Variants in LRRN4CL observed in about 807,000 individuals in gnomAD.
LRRN4CL encodes LRRN4 C-terminal like.
For missense variants in LRRN4CL, 348 were observed against 336.4 expected, an observed-to-expected ratio of 1.03 and a Z score of -0.27; for synonymous variants, 156 against 154.1, an observed-to-expected ratio of 1.01 and a Z score of -0.09.
At position 62,688,075 on chromosome 11, in the gene LRRN4CL, G is replaced by A; in HGVS notation, c.434C>T (p.Pro145Leu). Residue 145 changes from proline (P) to leucine (L), a missense_variant, in exon 2 of 2, where the codon CCA becomes CTA. Coordinates refer to ENST00000317449, the MANE Select transcript of LRRN4CL (RefSeq NM_203422.4). ...VRRAELKGLK[P>L]GGIYVVCVVA... is the part of the protein sequence containing the mutation. ...TACGCAAACGACATAAATGCCCCCT[G>A]GCTTCAGCCCCTTCAGTTCGGCTCT... The A allele has an allele frequency of 6.2e-7, 1 of 1,612,726 alleles. No individual in the cohort carries two copies. The highest frequency in any genetic ancestry group is 8.5e-7 in the Non-Finnish European group (1 of 1,179,884).
Position 62,687,724 on chromosome 11 carries a change from C to T in LRRN4CL, c.*68G>A, listed in dbSNP as rs1945212739. 2 of 1,295,972 alleles carry T rather than the reference C, an allele frequency of 1.5e-6. No individual in the cohort carries two copies. Among genetic ancestry groups the T allele is most frequent in the Admixed American group, 3.8e-5 (1 of 26,326 alleles). 80.3% of individuals were successfully genotyped at this position (1,295,972 alleles called of 1,614,324 possible). ...CTCCCTGGAGGCAGCGGGTTTTCCT[C>T]TTTCCCGGGGGCCAGGCTGAGCGCC... is the stretch of plus-strand genomic sequence containing the variant. On this transcript the variant is annotated 3_prime_UTR_variant, in exon 2 of 2. Transcript: ENST00000317449.
Position 62,688,474 on chromosome 11 carries a change from G to A in LRRN4CL, c.35C>T (p.Ala12Val), listed in dbSNP as rs776870074. The change falls in exon 2 of 2, where the codon GCC becomes GTC. Residue 12 changes from alanine (A) to valine (V), a missense_variant. Ala to Val is a moderately conservative substitution (Grantham distance 64, BLOSUM62 0). Coordinates refer to ENST00000317449, the MANE Select transcript of LRRN4CL (RefSeq NM_203422.4). Reference sequence around the variant, plus strand: ...AGCTCTGGGAACCAAGAAGGTCACGGCCAGGAGCCACAGAAGGCAGGGAGA... The same window carrying A: ...AGCTCTGGGAACCAAGAAGGTCACGACCAGGAGCCACAGAAGGCAGGGAGA... ...LGSPCLLWLL[A>V]VTFLVPRAQP... 2 of 1,598,446 alleles carry A rather than the reference G, an allele frequency of 1.3e-6. No homozygotes were observed. The highest frequency in any genetic ancestry group is 4.5e-5 in the East Asian group (2 of 44,872).
At position 62,688,073 on chromosome 11, in the gene LRRN4CL, C is replaced by T. The variant is rs896734368; in HGVS notation, c.436G>A (p.Gly146Arg). Residue 146 changes from glycine to arginine, a missense_variant, in exon 2 of 2, where the codon GGG becomes AGG. By Grantham distance (125) the Gly-to-Arg change is moderately radical. Transcript: ENST00000317449. ...ACTACGCAAACGACATAAATGCCCC[C>T]TGGCTTCAGCCCCTTCAGTTCGGCT... ...RRAELKGLKP[G>R]GIYVVCVVAA... 1 of 1,612,710 alleles carries T rather than the reference C, an allele frequency of 6.2e-7. No individual in the cohort carries two copies. Among genetic ancestry groups the T allele is most frequent in the Non-Finnish European group, 8.5e-7 (1 of 1,179,882 alleles).
In LRRN4CL at chr11:62,687,975, A is replaced by G; in HGVS notation, c.534T>C (p.Pro178=). ...CAAGGCGGCTGCAAGGCCCGAAGGC[A>G]GGGATGTCGGCCCCCTCGAGGCCCT... The part of the protein sequence containing the change: ...GGEGLEGADI[P]AFGPCSRLAV... Residue 178 remains proline, a synonymous_variant, in exon 2 of 2, where the codon CCT becomes CCC. Transcript: ENST00000317449. 1.9e-6 allele frequency: 3 copies of G among 1,605,080 alleles called. No homozygotes were observed. Among genetic ancestry groups the G allele is most frequent in the Non-Finnish European group, 2.6e-6 (3 of 1,175,948 alleles).
chr11:62,689,293 T>C (rs1367790127), intron 1 of LRRN4CL, 134 bp downstream of exon 1: 3 of 152,208 alleles, frequency 2.0e-5, no homozygotes, highest in African/African-American at 7.2e-5. Context: ...ACAGCTGTAT[T>C]TTTTGAAAAC....
chr11:62,687,675 T>A lies in LRRN4CL; in HGVS notation c.*117A>T. The A allele has an allele frequency of 1.1e-6, 1 of 871,654 alleles. No individual in the cohort carries two copies. Among genetic ancestry groups the A allele is most frequent in the South Asian group, 2.9e-5 (1 of 34,252 alleles). 54.0% of individuals were successfully genotyped at this position (871,654 alleles called of 1,614,324 possible). Reference sequence around the variant, plus strand: ...CCGCCGTGGCCCTGGAGCCTGGGGCTGGCTCCCAGCTCGCCGTCCAGCCCT... The same window carrying A: ...CCGCCGTGGCCCTGGAGCCTGGGGCAGGCTCCCAGCTCGCCGTCCAGCCCT... On this transcript the variant is annotated 3_prime_UTR_variant, in exon 2 of 2. Transcript: ENST00000317449.
rs1431706662 is a variant in LRRN4CL at position 62,688,424 on chromosome 11, C to A, written c.85G>T (p.Glu29Ter). Residue 29 changes from glutamate to a stop codon, truncating the protein, a stop_gained, in exon 2 of 2, where the codon GAA becomes TAA. Transcript: ENST00000317449. LOFTEE classifies it low-confidence loss of function (END_TRUNC). ...RAQPLAPQDF[E>*]EEEADETETA... Reference sequence around the variant, plus strand: ...TCAGTCTCATCTGCCTCCTCTTCTTCAAAGTCTTGAGGGGCCAAGGGCTGA... The same window carrying A: ...TCAGTCTCATCTGCCTCCTCTTCTTAAAAGTCTTGAGGGGCCAAGGGCTGA... 6 of 1,600,794 alleles carry A rather than the reference C, an allele frequency of 3.7e-6. No homozygotes were observed. In the South Asian group the frequency reaches 4.4e-5, roughly 12 times the overall value.
chr11:62,688,352 A>G lies in LRRN4CL; in HGVS notation c.157T>C (p.Cys53Arg), dbSNP rs1233657117. 6.2e-7 allele frequency: 1 copy of G among 1,608,354 alleles called. No individual in the cohort carries two copies. Among genetic ancestry groups the G allele is most frequent in the South Asian group, 1.1e-5 (1 of 91,084 alleles). ...TTGCAGGGCACCTGCAGGTGTCGGC[A>G]GTGGTCGTAGTCGCAGGGGACAGCC... ...LPAVPCDYDHCRHLQVPCKEL... is the reference protein window; with the variant it reads ...LPAVPCDYDHRRHLQVPCKEL... The change falls in exon 2 of 2, where the codon TGC becomes CGC. Residue 53 changes from cysteine (C) to arginine (R), a missense_variant. By Grantham distance (180) the Cys-to-Arg change is radical (BLOSUM62 -3). Coordinates refer to ENST00000317449, the MANE Select transcript of LRRN4CL (RefSeq NM_203422.4).
chr11:62,688,324 TC>T lies in LRRN4CL; in HGVS notation c.184del (p.Glu62SerfsTer70), dbSNP rs763755800. The T allele has an allele frequency of 8.1e-6, 13 of 1,609,520 alleles. No homozygotes were observed. Among genetic ancestry groups the T allele is most frequent in the Non-Finnish European group, 1.1e-5 (13 of 1,179,888 alleles). ...GGCCGCCGGCCCGACCCTCTGTAGCTCCTTGCAGGGCACCTGCAGGTGTCGG... is the reference window on the plus strand; with the variant it reads ...GGCCGCCGGCCCGACCCTCTGTAGCTCTTGCAGGGCACCTGCAGGTGTCGG... ...HCRHLQVPCK[E>X]LQRVGPAACL... On this transcript the variant is annotated frameshift_variant, in exon 2 of 2. Coordinates refer to ENST00000317449, the MANE Select transcript of LRRN4CL (RefSeq NM_203422.4). LOFTEE classifies it low-confidence loss of function (END_TRUNC).
In LRRN4CL at chr11:62,686,636, T is replaced by A. The variant is rs1311474042; in HGVS notation, c.*1156A>T. 1 of 152,190 alleles carries A rather than the reference T, an allele frequency of 6.6e-6. No homozygotes were observed. Among genetic ancestry groups the A allele is most frequent in the East Asian group, 1.9e-4 (1 of 5,184 alleles). The allele number at this position is 152,190 out of a possible 1,614,324, so 9.4% of individuals were successfully genotyped here. Reference sequence around the variant, plus strand: ...ACAAGCAATGGGCCAGTGGCCTGATTTGTAAGGCCCACAAACTAAGAATGG... The same window carrying A: ...ACAAGCAATGGGCCAGTGGCCTGATATGTAAGGCCCACAAACTAAGAATGG... On this transcript the variant is annotated 3_prime_UTR_variant, in exon 2 of 2. Coordinates refer to ENST00000317449, the MANE Select transcript of LRRN4CL (RefSeq NM_203422.4).
chr11:62,688,181 GGGA>G lies in LRRN4CL; in HGVS notation c.325_327del (p.Ser109del), dbSNP rs1397473476. On this transcript the variant is annotated inframe_deletion, in exon 2 of 2. Coordinates refer to ENST00000317449, the MANE Select transcript of LRRN4CL (RefSeq NM_203422.4). ...AGCAGCAGCCAGTAGTGGAGGACCG[GGGA>G]GAAGGGGGCACACCAGTGGACCACT... 1.2e-6 allele frequency: 2 copies of G among 1,612,436 alleles called. No individual in the cohort carries two copies. Among genetic ancestry groups the G allele is most frequent in the South Asian group, 2.2e-5 (2 of 91,056 alleles).
rs1276243543 is a variant in LRRN4CL at position 62,688,494 on chromosome 11, G to GGGAGAGCCCAGCAT, written c.1_14dup (p.Leu7TrpfsTer12). On this transcript the variant is annotated frameshift_variant, in exon 2 of 2. Coordinates refer to ENST00000317449, the MANE Select transcript of LRRN4CL (RefSeq NM_203422.4). LOFTEE classifies it low-confidence loss of function (END_TRUNC). ...TCACGGCCAGGAGCCACAGAAGGCA[G>GGGAGAGCCCAGCAT]GGAGAGCCCAGCATGGAGACTGGAA... 9 of 1,597,276 alleles carry GGGAGAGCCCAGCAT rather than the reference G, an allele frequency of 5.6e-6. No individual in the cohort carries two copies. The African/African-American group carries it at 1.2e-4, about 21-fold the overall frequency.
chr11:62,688,271 CG>C lies in LRRN4CL; in HGVS notation c.237del (p.Ala80ProfsTer52), dbSNP rs1565140750. 3 of 1,609,174 alleles carry C rather than the reference CG, an allele frequency of 1.9e-6. No homozygotes were observed. In the South Asian group the frequency reaches 3.3e-5, roughly 18 times the overall value. On this transcript the variant is annotated frameshift_variant, in exon 2 of 2. Transcript: ENST00000317449. LOFTEE classifies it low-confidence loss of function (END_TRUNC). ...ATGCGCGGCGGGTCGGGCGGCTGGG[CG>C]GGGCTGGAGAGTCCTGGGCACAGGC... ...AACLCPGLSS[P>X]AQPPDPPRMG...
intron 1 of LRRN4CL, among the ~76,000 whole-genome samples, chr11:62,688,828 G>A (rs1261692196): frequency 6.6e-6 from 1 of 152,134 alleles, no homozygotes; most frequent in Non-Finnish European, 1.5e-5. Flanking sequence ...ACTTAGCCCA[G>A]GGAAGAACGG....
At position 62,688,612 on chromosome 11, in the gene LRRN4CL, G is replaced by T; in HGVS notation, c.-5-99C>A. On this transcript the variant is annotated intron_variant, in intron 1 of 1. Coordinates refer to ENST00000317449, the MANE Select transcript of LRRN4CL (RefSeq NM_203422.4). ...CTCTGGAGACAGGAAAATGCAACTG[G>T]GGATCAGAAGAGGAAAGAAGTTGGA... The T allele has an allele frequency of 2.2e-6, 2 of 922,720 alleles. 1 individual carries two copies. Among genetic ancestry groups the T allele is most frequent in the Middle Eastern group, 6.4e-4 (2 of 3,142 alleles). The allele number at this position is 922,720 out of a possible 1,614,324, so 57.2% of individuals were successfully genotyped here.
In LRRN4CL at chr11:62,687,999, C is replaced by A; in HGVS notation, c.510G>T (p.Glu170Asp). 6.2e-7 allele frequency: 1 copy of A among 1,611,200 alleles called. No homozygotes were observed. The change falls in exon 2 of 2, where the codon GAG becomes GAT. Residue 170 changes from glutamate to aspartate, a missense_variant. Physicochemically the swap from Glu to Asp is conservative, Grantham distance 45. Coordinates refer to ENST00000317449, the MANE Select transcript of LRRN4CL (RefSeq NM_203422.4). ...CAGGGATGTCGGCCCCCTCGAGGCC[C>A]TCTCCTCCAGCCTGGGGCACGCGGC... is the stretch of plus-strand genomic sequence containing the variant. ...GASRVPQAGG[E>D]GLEGADIPAF...
At position 62,688,121 on chromosome 11, in the gene LRRN4CL, G is replaced by C; in HGVS notation, c.388C>G (p.Pro130Ala). 3 of 1,612,478 alleles carry C rather than the reference G, an allele frequency of 1.9e-6. No individual in the cohort carries two copies. The highest frequency in any genetic ancestry group is 2.5e-6 in the Non-Finnish European group (3 of 1,179,804). Residue 130 changes from proline to alanine, a missense_variant, in exon 2 of 2, where the codon CCG (proline) becomes GCG (alanine). Physicochemically the swap from Pro to Ala is conservative, Grantham distance 27. Transcript: ENST00000317449. Reference sequence around the variant, plus strand: ...GCTCTGCGGACCGTAGCGTTCAGCGGGGGCCCCTTCTGCGCAGCCTCGCTG... The same window carrying C: ...GCTCTGCGGACCGTAGCGTTCAGCGCGGGCCCCTTCTGCGCAGCCTCGCTG... ...DGSEAAQKGPPLNATVRRAEL... is the reference protein window; with the variant it reads ...DGSEAAQKGPALNATVRRAEL...
Position 62,688,164 on chromosome 11 carries a change from C to T in LRRN4CL, c.345G>A (p.Trp115Ter). 1.2e-6 allele frequency: 2 copies of T among 1,612,580 alleles called. No homozygotes were observed. Among genetic ancestry groups the T allele is most frequent in the Non-Finnish European group, 1.7e-6 (2 of 1,179,818 alleles). Residue 115 changes from tryptophan (W) to a stop codon, truncating the protein, a stop_gained, in exon 2 of 2, where the codon TGG becomes TGA. Transcript: ENST00000317449. LOFTEE classifies it low-confidence loss of function (END_TRUNC). ...CCTCGCTGCCGTCCCAAAGCAGCAG[C>T]CAGTAGTGGAGGACCGGGGAGAAGG... ...CAPFSPVLHY[W>*]LLLWDGSEAA... is the part of the protein sequence containing the mutation.
rs1366638573 is a variant in LRRN4CL, at chr11:62,686,517, C to T, written c.*1275G>A. 1 of 145,600 alleles carries T rather than the reference C, an allele frequency of 6.9e-6. No homozygotes were observed. The highest frequency in any genetic ancestry group is 1.5e-5 in the Non-Finnish European group (1 of 66,210). The allele number at this position is 145,600 out of a possible 1,614,324, so 9.0% of individuals were successfully genotyped here. A position where few individuals can be genotyped will look rare whatever the true frequency, so the allele number is the denominator to read the frequency against. On this transcript the variant is annotated 3_prime_UTR_variant, in exon 2 of 2. Coordinates refer to ENST00000317449, the MANE Select transcript of LRRN4CL (RefSeq NM_203422.4). ...TTACTGTCGTTTTTGTTTTGTTTTA[C>T]CTAGCAAGAATATAAACTTATTCTC...
Sources: allele counts gnomAD v4.1 joint callset (sites outside exome capture counted in the v4.1 genomes callset), GRCh38; gene constraint gnomAD v4.1.1; transcripts MANE v1.5; gene names NCBI Gene and HGNC (gene_info 2026-07-23, HGNC 2026-07-21).